Variants in RBFOX1 observed in about 807,000 individuals in gnomAD.
RBFOX1 encodes RNA binding protein fox-1 homolog 1.
A neutral mutation model predicts 57.7 loss-of-function variants in RBFOX1; 8 were observed. That is an observed-to-expected ratio of 0.14 (90% confidence interval 0.08 to 0.25). The LOEUF is 0.25. Ranked by LOEUF, RBFOX1 falls within the 10% of genes least tolerant of loss-of-function variation. The probability of loss-of-function intolerance (pLI) is 1.00; values close to 1 mark genes in which losing one functional copy is unlikely to be tolerated. For synonymous variants in RBFOX1, 326 were observed against 222.4 expected (o/e 1.47, Z -4.15); for missense variants, 611 against 548.5 (o/e 1.11, Z -1.14).
chr16:7,058,006 G>GTAAAAA (rs747269911), intron 4 of RBFOX1, among the ~76,000 whole-genome samples: 1 of 136,666 alleles, frequency 7.3e-6, no homozygotes, highest in East Asian at 2.2e-4. Flanking sequence ...AGACTGTGGG[G>GTAAAAA]AAAAAAAAAA....
At chr16:6,897,074 C>G (rs1325447299) in intron 3 of RBFOX1, among the ~76,000 whole-genome samples, 1 of 152,088 alleles carries the variant, frequency 6.6e-6, no homozygotes, top group Non-Finnish European at 1.5e-5. Flanking sequence ...CTGGCAGCAC[C>G]TGAGGAAGGG....
chr16:5,974,790 C>G (rs891748596), intron 4 of RBFOX1, among the ~76,000 whole-genome samples: 13 of 151,906 alleles, frequency 8.6e-5, no homozygotes, highest in African/African-American at 3.1e-4. Context: ...GGGAGGATCA[C>G]CTGAGGTCGG....
Position 7,601,459 on chromosome 16 carries a change from G to A in RBFOX1, c.622+4028G>A, listed in dbSNP as rs75931278. Among the ~76,000 whole-genome samples, 6 of 152,110 alleles carry A rather than the reference G, an allele frequency of 3.9e-5. No homozygotes were observed. The South Asian group carries it at 6.2e-4, about 16-fold the overall frequency. ...TATTCCTTTATTGTCATGGGTAGTT[G>A]AATTCCCTGAGAGATACTAGTTTAA... On this transcript the variant is annotated intron_variant, in intron 9 of 15. Coordinates refer to ENST00000550418, the MANE Select transcript of RBFOX1 (RefSeq NM_018723.4).
chr16:7,507,345 T>C (rs139531237), intron 4 of RBFOX1, among the ~76,000 whole-genome samples: 138 of 152,072 alleles, frequency 9.1e-4, no homozygotes, highest in African/African-American at 3.0e-3. Context: ...GATTATTTCA[T>C]TTAAAGAATG....
At chr16:5,410,688 A>T (rs1189815544) in intron 1 of RBFOX1, among the ~76,000 whole-genome samples, 1 of 152,152 alleles carries the variant, frequency 6.6e-6, no homozygotes, top group Non-Finnish European at 1.5e-5. Context: ...AACAAAATCT[A>T]TATATGGACT....
intron 1 of RBFOX1, among the ~76,000 whole-genome samples, chr16:6,024,648 C>T (rs1336571414): frequency 2.0e-5 from 3 of 152,150 alleles, no homozygotes; most frequent in African/African-American, 7.2e-5. Flanking sequence ...TCTGCCACGC[C>T]TGGCTAGTGT....
intron 11 of RBFOX1, among the ~76,000 whole-genome samples, chr16:7,648,455 C>T (rs780142512): frequency 2.0e-5 from 3 of 152,084 alleles, no homozygotes; most frequent in Admixed American, 1.3e-4. Context: ...GATCTCTTGA[C>T]CTTGTGATCT....
At chr16:6,585,538 C>A (rs1433662212) in intron 2 of RBFOX1, among the ~76,000 whole-genome samples, 2 of 152,154 alleles carry the variant, frequency 1.3e-5, no homozygotes, top group Non-Finnish European at 2.9e-5. Flanking sequence ...AAGGTCCTTG[C>A]CTCTGTGACT....
At chr16:7,215,648 A>G (rs978840179) in intron 4 of RBFOX1, among the ~76,000 whole-genome samples, 4 of 152,022 alleles carry the variant, frequency 2.6e-5, no homozygotes, top group African/African-American at 9.7e-5. Context: ...CGGGCAGATT[A>G]GCATTTCTTC....
At chr16:5,479,767 C>A (rs1034687998) in intron 2 of RBFOX1, among the ~76,000 whole-genome samples, 2 of 151,482 alleles carry the variant, frequency 1.3e-5, no homozygotes, top group East Asian at 2.0e-4. Context: ...CCTCACCCCC[C>A]GCAAAAAAAG....
intron 1 of RBFOX1, among the ~76,000 whole-genome samples, chr16:6,238,073 A>ATTC (rs1222334006): frequency 6.7e-6 from 1 of 148,570 alleles, no homozygotes; most frequent in East Asian, 2.0e-4. Flanking sequence ...TCTGGGTGAC[A>ATTC]GAATGAGACT....
intron 2 of RBFOX1, among the ~76,000 whole-genome samples, chr16:6,487,455 G>A (rs940260410): frequency 2.6e-5 from 4 of 151,414 alleles, no homozygotes; most frequent in African/African-American, 9.7e-5. Flanking sequence ...AGGATCAGTT[G>A]GATATTTGTA....
intron 1 of RBFOX1, among the ~76,000 whole-genome samples, chr16:5,242,321 C>T (rs1478273255): frequency 1.3e-5 from 2 of 152,200 alleles, no homozygotes; most frequent in African/African-American, 2.4e-5. Context: ...ACAAACCATC[C>T]TTGTTTCCTG....
rs993507596 is a variant in RBFOX1 at position 7,600,245 on chromosome 16, G to A, written c.622+2814G>A. Among the ~76,000 whole-genome samples, 6 of 152,248 alleles carry A rather than the reference G, an allele frequency of 3.9e-5. No homozygotes were observed. The East Asian group carries it at 5.8e-4, about 15-fold the overall frequency. On this transcript the variant is annotated intron_variant, in intron 9 of 15. Coordinates refer to ENST00000550418, the MANE Select transcript of RBFOX1 (RefSeq NM_018723.4). ...CACACATACTGTGTATGGCACCTAA[G>A]GGGTTGATGGATAGACACAGTAGAA...
intron 3 of RBFOX1, among the ~76,000 whole-genome samples, chr16:5,645,649 C>T (rs2049028504): frequency 2.0e-5 from 3 of 152,218 alleles, no homozygotes; most frequent in African/African-American, 7.2e-5. Flanking sequence ...TCTGTGTGTG[C>T]TTTATTATGT....
chr16:5,278,962 A>G (rs2063206366), intron 1 of RBFOX1, among the ~76,000 whole-genome samples: 1 of 152,150 alleles, frequency 6.6e-6, no homozygotes, highest in African/African-American at 2.4e-5. Flanking sequence ...CTGTTTTAAT[A>G]CCAATACACA....
At chr16:7,420,938 T>TACAC (rs917264873) in intron 4 of RBFOX1, among the ~76,000 whole-genome samples, 22 of 140,124 alleles carry the variant, frequency 1.6e-4, no homozygotes, top group East Asian at 6.1e-4. Context: ...CATATATATA[T>TACAC]ACACACACAC....
At chr16:5,282,277 T>A (rs1440271262) in intron 1 of RBFOX1, among the ~76,000 whole-genome samples, 1 of 152,228 alleles carries the variant, frequency 6.6e-6, no homozygotes, top group African/African-American at 2.4e-5. Flanking sequence ...ATTAAACCTT[T>A]ATCTTTTGTA....
chr16:5,681,688 C>A (rs545159863), intron 3 of RBFOX1, among the ~76,000 whole-genome samples: 1 of 152,024 alleles, frequency 6.6e-6, no homozygotes, highest in East Asian at 1.9e-4. Context: ...CCACTGTGCC[C>A]GGCCGGTAAG....
Sources: gnomAD v4.1 joint callset for allele counts (sites outside exome capture counted in the v4.1 genomes callset) on GRCh38, gnomAD v4.1.1 for gene constraint, MANE v1.5 for transcripts, NCBI Gene and HGNC (gene_info 2026-07-23, HGNC 2026-07-21) for gene names.